LGR6: variants seen among roughly 807,000 people sequenced by gnomAD.
LGR6 encodes leucine-rich repeat-containing G protein-coupled receptor 6.
A neutral mutation model predicts 69.4 loss-of-function variants in LGR6; 45 were observed. The observed-to-expected ratio is 0.65, with a 90% confidence interval of 0.51 to 0.83. The LOEUF is 0.83. Among genes scored for constraint, LGR6 ranks in the 40% least tolerant of loss-of-function variants. LGR6 has a pLI of 0.00. For missense variants in LGR6, 1,108 were observed against 1,246.7 expected (o/e 0.89, Z 1.68); for synonymous variants, 538 against 555.0 (o/e 0.97, Z 0.43).
chr1:202,273,838 C>T (rs574868955), intron 4 of LGR6, among the ~76,000 whole-genome samples: 1 of 152,262 alleles, frequency 6.6e-6, no homozygotes, highest in Non-Finnish European at 1.5e-5. Flanking sequence ...TCCCTCAAGG[C>T]CCTCATTCAT....
rs759271868 is a variant in LGR6, at chr1:202,276,491, C to T, written c.614C>T (p.Ala205Val). The change falls in exon 5 of 18, where the codon GCG becomes GTG. Residue 205 changes from alanine (A) to valine (V), a missense_variant. Transcript: ENST00000367278. ...LNRISHIPDY[A>V]FQNLTSLVVL... is the part of the protein sequence containing the mutation. ...CGCATCAGCCACATCCCCGACTACG[C>T]GTTCCAGAATCTCACCAGCCTTGTG... The T allele has an allele frequency of 3.7e-6, 6 of 1,614,096 alleles. No homozygotes were observed. The East Asian group carries it at 6.7e-5, about 18-fold the overall frequency.
At chr1:202,315,649 A>T (rs1421418896) in intron 17 of LGR6, among the ~76,000 whole-genome samples, 2 of 152,102 alleles carry the variant, frequency 1.3e-5, no homozygotes, top group Non-Finnish European at 2.9e-5. Context: ...ATTTCGTTCC[A>T]CCTCCGTTTT....
intron 1 of LGR6, among the ~76,000 whole-genome samples, chr1:202,204,213 G>GCA (rs60896562): frequency 0.39 from 54,558 of 140,700 alleles, 11,160 homozygotes; most frequent in South Asian, 0.61. Context: ...CCTCCTTCAA[G>GCA]CACACACACA....
chr1:202,205,663 TC>T (rs1337574502), intron 1 of LGR6, among the ~76,000 whole-genome samples: 2 of 94,570 alleles, frequency 2.1e-5, no homozygotes, highest in African/African-American at 8.6e-5. Context: ...CACGCACACC[TC>T]CCTCAAACAT....
intron 10 of LGR6, among the ~76,000 whole-genome samples, chr1:202,303,698 A>G (rs1016900585): frequency 1.3e-5 from 2 of 152,232 alleles, no homozygotes; most frequent in African/African-American, 4.8e-5. Flanking sequence ...GCTTGATTCC[A>G]ACAAAGACGT....
intron 1 of LGR6, among the ~76,000 whole-genome samples, chr1:202,219,812 G>C (rs948596533): frequency 6.6e-6 from 1 of 152,160 alleles, no homozygotes; most frequent in South Asian, 2.1e-4. Flanking sequence ...TTATAATTCA[G>C]TTAGATGAGT....
chr1:202,204,354 A>ACC (rs1658958723), intron 1 of LGR6, among the ~76,000 whole-genome samples: 1 of 103,516 alleles, frequency 9.7e-6, no homozygotes, highest in African/African-American at 3.9e-5. Context: ...ACACACACAC[A>ACC]CCTCCACACA....
intron 1 of LGR6, chr1:202,197,476 G>C (rs111447894): frequency 3.8e-6 from 2 of 533,096 alleles, no homozygotes; most frequent in South Asian, 1.4e-5. Flanking sequence ...GACACTCACC[G>C]GGGTTTTGAC....
At position 202,306,723 on chromosome 1, in the gene LGR6, T is replaced by A. The variant is rs181326659; in HGVS notation, c.1137-145T>A. The stretch of plus-strand genomic sequence containing the variant: ...CGGATCCCCTTGTGCTCCCTTTAAT[T>A]CTGGTGACTTCCTCGGGCTGGGCCC... On this transcript the variant is annotated intron_variant, in intron 12 of 17. Transcript: ENST00000367278. 1.8e-5 allele frequency: 14 copies of A among 761,246 alleles called. No homozygotes were observed. In the East Asian group the frequency reaches 3.7e-4, roughly 20 times the overall value. 47.2% of individuals were successfully genotyped at this position (761,246 alleles called of 1,614,324 possible).
intron 1 of LGR6, among the ~76,000 whole-genome samples, chr1:202,201,598 C>A (rs1439366143): frequency 6.6e-6 from 1 of 152,200 alleles, no homozygotes; most frequent in Non-Finnish European, 1.5e-5. Flanking sequence ...TTATCTACTG[C>A]CTCTCAGAGG....
At chr1:202,279,831 GT>G (rs1489310506) in intron 5 of LGR6, among the ~76,000 whole-genome samples, 1 of 152,178 alleles carries the variant, frequency 6.6e-6, no homozygotes, top group Non-Finnish European at 1.5e-5. Context: ...ACTGTCCCTT[GT>G]TTTAAATTTA....
intron 13 of LGR6, 40 bp from the exon 14 acceptor site, chr1:202,307,290 A>T (rs1389553321): frequency 6.3e-7 from 1 of 1,585,314 alleles, no homozygotes; most frequent in Non-Finnish European, 8.7e-7. Flanking sequence ...AGTCCTCCAC[A>T]TGTTACTGTC....
rs749245639 is a variant in LGR6 at position 202,318,207 on chromosome 1, G to A, written c.1904G>A (p.Arg635His). Residue 635 changes from arginine to histidine, a missense_variant, in exon 18 of 18, where the codon CGC (arginine) becomes CAC (histidine). By Grantham distance (29) the Arg-to-His change is conservative (BLOSUM62 0). Transcript: ENST00000367278. ...GGTCAGTTCTCTGAGTACGGAGCCCGCTGGGAGACGGGGCTAGGCTGCCGG... is the reference window on the plus strand; with the variant it reads ...GGTCAGTTCTCTGAGTACGGAGCCCACTGGGAGACGGGGCTAGGCTGCCGG... ...TFGQFSEYGARWETGLGCRAT... is the reference protein window; with the variant it reads ...TFGQFSEYGAHWETGLGCRAT... 1.8e-5 allele frequency: 29 copies of A among 1,612,592 alleles called. No homozygotes were observed. The highest frequency in any genetic ancestry group is 1.1e-4 in the African/African-American group (8 of 75,068).
Position 202,270,399 on chromosome 1 carries a change from C to T in LGR6, c.429-5907C>T, listed in dbSNP as rs368627319. ...CTGGGATTATAGGCGTGTGCCACCACGCCCGTCTAATTTTGTATTTTTAGT... is the reference window on the plus strand; with the variant it reads ...CTGGGATTATAGGCGTGTGCCACCATGCCCGTCTAATTTTGTATTTTTAGT... On this transcript the variant is annotated intron_variant, in intron 4 of 17. Transcript: ENST00000367278. Among the ~76,000 whole-genome samples the T allele has an allele frequency of 3.9e-5, 6 of 152,146 alleles. No individual in the cohort carries two copies. In the South Asian group the frequency reaches 6.2e-4, roughly 16 times the overall value.
intron 4 of LGR6, among the ~76,000 whole-genome samples, chr1:202,257,695 A>G (rs1210521306): frequency 6.6e-6 from 1 of 152,132 alleles, no homozygotes; most frequent in African/African-American, 2.4e-5. Context: ...TCCTTACCAT[A>G]TAGGGCTATA....
chr1:202,256,655 A>T (rs1663799864), intron 4 of LGR6, among the ~76,000 whole-genome samples: 1 of 152,196 alleles, frequency 6.6e-6, no homozygotes, highest in African/African-American at 2.4e-5. Flanking sequence ...TTTGGTTATT[A>T]TGAATAATGC....
Position 202,318,424 on chromosome 1 carries a change from A to C in LGR6, c.2121A>C (p.Ser707=), listed in dbSNP as rs548084921. 3 of 1,610,670 alleles carry C rather than the reference A, an allele frequency of 1.9e-6. No individual in the cohort carries two copies. In the Admixed American group the frequency reaches 5.0e-5, roughly 27 times the overall value. Reference sequence around the variant, plus strand: ...TGGCCGCCGCGCTGCCCCTGGCCTCAGTGGGAGAATACGGGGCCTCCCCAC... The same window carrying C: ...TGGCCGCCGCGCTGCCCCTGGCCTCCGTGGGAGAATACGGGGCCTCCCCAC... The part of the protein sequence containing the change: ...AGLAAALPLA[S]VGEYGASPLC... The change falls in exon 18 of 18, where the codon TCA becomes TCC. Residue 707 remains serine (S), a synonymous_variant. Transcript: ENST00000367278.
rs1654338129 is a variant in LGR6 at position 202,318,412 on chromosome 1, G to A, written c.2109G>A (p.Leu703=). The A allele has an allele frequency of 6.2e-7, 1 of 1,608,942 alleles. No homozygotes were observed. Among genetic ancestry groups the A allele is most frequent in the Non-Finnish European group, 8.5e-7 (1 of 1,177,752 alleles). The change falls in exon 18 of 18, where the codon CTG becomes CTA. Residue 703 remains leucine, a synonymous_variant. Transcript: ENST00000367278. ...CLALAGLAAA[L]PLASVGEYGA... is the part of the protein sequence containing the mutation. ...CACTGGCAGGGCTGGCCGCCGCGCT[G>A]CCCCTGGCCTCAGTGGGAGAATACG... is the stretch of plus-strand genomic sequence containing the variant.
Position 202,302,696 on chromosome 1 carries a change from G to A in LGR6, c.930-583G>A, listed in dbSNP as rs374447317. 7.7e-4 allele frequency among the ~76,000 whole-genome samples: 117 copies of A among 152,122 alleles called. No homozygotes were observed. In the South Asian group the frequency reaches 0.012, roughly 16 times the overall value. On this transcript the variant is annotated intron_variant, in intron 9 of 17. Coordinates refer to ENST00000367278, the MANE Select transcript of LGR6 (RefSeq NM_001017403.2). ...CGAGTAGCTGAGATTACAGGCGCCC[G>A]CCACCACGCCCGACTGCTTTTTGTA...
Sources: allele counts gnomAD v4.1 joint callset (sites outside exome capture counted in the v4.1 genomes callset), GRCh38; gene constraint gnomAD v4.1.1; transcripts MANE v1.5; gene names NCBI Gene and HGNC (gene_info 2026-07-23, HGNC 2026-07-21).